CPLANE1: variants seen among roughly 807,000 people sequenced by gnomAD.
CPLANE1 encodes ciliogenesis and planar polarity effector 1.
In CPLANE1, 263 loss-of-function variants were observed where a neutral mutation model predicts 362.5. The ratio of observed to expected loss-of-function variants is 0.73; its 90% CI spans 0.66 to 0.80. The LOEUF is 0.80. Ranked by LOEUF, CPLANE1 falls within the 30% of genes least tolerant of loss-of-function variation. The probability of loss-of-function intolerance (pLI) is 0.00; values close to 1 mark genes in which losing one functional copy is unlikely to be tolerated. For missense variants in CPLANE1, 3,461 were observed against 3,793.4 expected, an observed-to-expected ratio of 0.91 and a Z score of 2.30; for synonymous variants, 1,212 against 1,302.6, an observed-to-expected ratio of 0.93 and a Z score of 1.50.
At chr5:37,084,376 CA>C in the CPLANE1 span, among the ~76,000 whole-genome samples, 2 of 151,984 alleles carry the variant, frequency 1.3e-5, no homozygotes, top group Non-Finnish European at 2.9e-5. Context: ...ACTTAAAAAA[CA>C]AAAACAAAAA....
Position 37,226,444 on chromosome 5 carries a change from A to ACTTC in CPLANE1, c.2147_2150dup (p.Ser717ArgfsTer3). ...CCAATGAGTCTTGAGCTGTTATTTT[A>ACTTC]CTTCCATCAGCTGATGCTGAAATAA... On this transcript the variant is annotated frameshift_variant, in exon 12 of 53. Transcript: ENST00000651892. 6.4e-7 allele frequency: 1 copy of ACTTC among 1,551,306 alleles called. No homozygotes were observed. The highest frequency in any genetic ancestry group is 8.7e-7 in the Non-Finnish European group (1 of 1,146,818).
intron 43 of CPLANE1, among the ~76,000 whole-genome samples, chr5:37,143,111 T>C (rs1770307799): frequency 6.6e-6 from 1 of 152,234 alleles, no homozygotes. Flanking sequence ...CTACCATCAA[T>C]AAAGTACAGC....
chr5:37,181,063 T>C (rs1472264473), intron 26 of CPLANE1, 58 bp from the exon 27 acceptor site: 1 of 1,404,150 alleles, frequency 7.1e-7, no homozygotes, highest in Non-Finnish European at 9.7e-7. Context: ...TTTCACCATA[T>C]TTTAAAATTA....
chr5:37,132,224 G>C (rs1193166283), intron 46 of CPLANE1, among the ~76,000 whole-genome samples: 2 of 151,634 alleles, frequency 1.3e-5, no homozygotes, highest in African/African-American at 4.8e-5. Flanking sequence ...AAATAATGAG[G>C]TCTTATAAGT....
chr5:37,180,264 T>G, intron 27 of CPLANE1, 81 bp from the exon 28 acceptor site: 2 of 981,422 alleles, frequency 2.0e-6, no homozygotes, highest in Non-Finnish European at 1.4e-6. Context: ...TTTTTTGTTT[T>G]TTTTTTTAAG....
Position 37,227,754 on chromosome 5 carries a change from G to C in CPLANE1, c.1185C>G (p.Asp395Glu), listed in dbSNP as rs1265528395. The C allele has an allele frequency of 1.9e-6, 3 of 1,551,090 alleles. No homozygotes were observed. Among genetic ancestry groups the C allele is most frequent in the Non-Finnish European group, 2.6e-6 (3 of 1,146,690 alleles). Residue 395 changes from aspartate (D) to glutamate (E), a missense_variant, in exon 10 of 53, where the codon GAC becomes GAG. By Grantham distance (45) the Asp-to-Glu change is conservative (BLOSUM62 2). This residue lies in a region of CPLANE1 where 3,380 missense variants were observed against 3,666.1 expected (regional missense o/e 0.92). Coordinates refer to ENST00000651892, the MANE Select transcript of CPLANE1 (RefSeq NM_001384732.1). Reference protein sequence around the residue: ...NSVDSSASDSDPMRQRFSIKA... With the variant: ...NSVDSSASDSEPMRQRFSIKA... ...TTATAGAAAATCTCTGTCTCATAGG[G>C]TCACTATCAGAAGCTGATGAATCAA...
intron 38 of CPLANE1, among the ~76,000 whole-genome samples, chr5:37,161,674 T>C (rs1776883557): frequency 6.6e-6 from 1 of 152,070 alleles, no homozygotes; most frequent in Non-Finnish European, 1.5e-5. Context: ...ATCTGGACAA[T>C]GAGAGTTTAG....
At chr5:37,203,281 C>T (rs1037398351) in intron 18 of CPLANE1, among the ~76,000 whole-genome samples, 1 of 152,282 alleles carries the variant, frequency 6.6e-6, no homozygotes, top group East Asian at 1.9e-4. Flanking sequence ...TGGAATCATA[C>T]GGTATGTAGT....
downstream of CPLANE1, among the ~76,000 whole-genome samples, chr5:37,103,351 T>A (rs1344947914): frequency 6.6e-6 from 1 of 152,228 alleles, no homozygotes; most frequent in Non-Finnish European, 1.5e-5. Context: ...AATTGTGGCA[T>A]TAAGTCCATT....
chr5:37,187,890 T>G, intron 21 of CPLANE1, 48 bp from the exon 22 acceptor site: 2 of 1,326,808 alleles, frequency 1.5e-6, no homozygotes, highest in Non-Finnish European at 2.1e-6. Flanking sequence ...AGTATGTACA[T>G]TAATATTATA....
intron 51 of CPLANE1, among the ~76,000 whole-genome samples, chr5:37,111,421 C>T (rs903601938): frequency 9.9e-5 from 15 of 152,152 alleles, no homozygotes; most frequent in African/African-American, 2.9e-4. Context: ...CCACCGTGCC[C>T]GGCCTAACTT....
At chr5:37,205,764 C>T (rs1790533480) in intron 17 of CPLANE1, among the ~76,000 whole-genome samples, 2 of 152,036 alleles carry the variant, frequency 1.3e-5, no homozygotes, top group East Asian at 1.9e-4. Context: ...CCCAGGCTGA[C>T]GTGTAATGAC....
At chr5:37,180,741 C>G (rs1445237624) in intron 27 of CPLANE1, 116 bp downstream of exon 27, 3 of 910,432 alleles carry the variant, frequency 3.3e-6, no homozygotes, top group Non-Finnish European at 5.0e-6. Flanking sequence ...GCCTGCTCCT[C>G]TACTTCAAAA....
chr5:37,219,426 G>C (rs1794873245), intron 15 of CPLANE1, among the ~76,000 whole-genome samples: 1 of 151,994 alleles, frequency 6.6e-6, no homozygotes, highest in Admixed American at 6.6e-5. Context: ...TACTCAGGAG[G>C]CTGAGGCAGG....
chr5:37,116,502 A>T (rs904360837), intron 50 of CPLANE1, among the ~76,000 whole-genome samples: 2 of 148,742 alleles, frequency 1.3e-5, no homozygotes, highest in African/African-American at 4.9e-5. Context: ...AAAAAAAAAA[A>T]AAAAAAAAAA....
At chr5:37,202,762 T>C (rs1302617438) in intron 18 of CPLANE1, among the ~76,000 whole-genome samples, 1 of 152,080 alleles carries the variant, frequency 6.6e-6, no homozygotes, top group African/African-American at 2.4e-5. Context: ...GATATTAACA[T>C]TTTTGCTATA....
At chr5:37,126,350 CT>C (rs1272778205) in intron 46 of CPLANE1, among the ~76,000 whole-genome samples, 1 of 152,192 alleles carries the variant, frequency 6.6e-6, no homozygotes, top group Non-Finnish European at 1.5e-5. Context: ...AATTAATGGA[CT>C]AAGCATGGCA....
At chr5:37,092,116 C>T in the CPLANE1 span, among the ~76,000 whole-genome samples, 1 of 152,142 alleles carries the variant, frequency 6.6e-6, no homozygotes, top group African/African-American at 2.4e-5. Flanking sequence ...TATCTTAGAC[C>T]CGCCTTTCTT....
chr5:37,245,676 T>C (rs765840482), intron 3 of CPLANE1, 34 bp downstream of exon 3: 2 of 1,476,452 alleles, frequency 1.4e-6, no homozygotes, highest in South Asian at 2.9e-5. Context: ...AAAAATATAG[T>C]TTTAGCCATT....
Sources: allele counts gnomAD v4.1 joint callset (sites outside exome capture counted in the v4.1 genomes callset), GRCh38; gene constraint gnomAD v4.1.1; regional missense constraint gnomAD v4.1.1; transcripts MANE v1.5; gene names NCBI Gene and HGNC (gene_info 2026-07-23, HGNC 2026-07-21).